Variants in CCDC88A observed in about 807,000 individuals in gnomAD.
CCDC88A encodes girdin.
Under a neutral mutation model 234.3 loss-of-function variants are expected in CCDC88A, and 54 were observed. That is an observed-to-expected ratio of 0.23 (90% CI 0.19 to 0.29). The LOEUF is 0.29. Ranked by LOEUF, CCDC88A falls within the 10% of genes least tolerant of loss-of-function variation. The pLI, the probability that CCDC88A is intolerant of heterozygous loss-of-function variation, is 1.00. For missense variants in CCDC88A, 1,832 were observed against 2,123.4 expected, an observed-to-expected ratio of 0.86 and a Z score of 2.70; for synonymous variants, 753 against 737.8, an observed-to-expected ratio of 1.02 and a Z score of -0.33.
chr2:55,316,270 G>A (rs1020093842), intron 21 of CCDC88A, among the ~76,000 whole-genome samples, 156 bp from the exon 22 acceptor site: 4 of 152,140 alleles, frequency 2.6e-5, no homozygotes. Flanking sequence ...TTTCTATTCT[G>A]TAAAAACTAG....
At chr2:55,414,277 T>C (rs1048136794) in intron 2 of CCDC88A, among the ~76,000 whole-genome samples, 1 of 152,220 alleles carries the variant, frequency 6.6e-6, no homozygotes, top group Non-Finnish European at 1.5e-5. Context: ...ATGTCACAAA[T>C]TCCTTAAAAA....
At chr2:55,294,934 CTG>C (rs565365234) in intron 31 of CCDC88A, 434 of 1,188,046 alleles carry the variant, frequency 3.7e-4, no homozygotes, top group Non-Finnish European at 4.3e-4. Context: ...CAGCTGAACA[CTG>C]TGCAACAATT....
At chr2:55,415,695 T>C (rs1287255667) in intron 2 of CCDC88A, among the ~76,000 whole-genome samples, 2 of 152,134 alleles carry the variant, frequency 1.3e-5, no homozygotes, top group African/African-American at 4.8e-5. Flanking sequence ...TGAGTACTTA[T>C]CAGAATATAA....
chr2:55,333,232 G>A (rs943823971), intron 15 of CCDC88A, among the ~76,000 whole-genome samples: 5 of 152,144 alleles, frequency 3.3e-5, no homozygotes, highest in Admixed American at 2.0e-4. Flanking sequence ...ACTGCCCAAT[G>A]TGACCTTCTG....
intron 2 of CCDC88A, chr2:55,416,904 A>G (rs1482747746): frequency 1.3e-5 from 2 of 152,042 alleles, no homozygotes; most frequent in South Asian, 2.1e-4. Flanking sequence ...AAGCAAAAGT[A>G]TACTTTTTTT....
intron 31 of CCDC88A, chr2:55,295,385 A>G: frequency 1.9e-6 from 3 of 1,543,582 alleles, no homozygotes; most frequent in African/African-American, 2.7e-5. Context: ...GTCCTATGCT[A>G]TCTTTTGCCA....
At chr2:55,318,274 G>A (rs1259745040) in intron 19 of CCDC88A, among the ~76,000 whole-genome samples, 6 of 152,072 alleles carry the variant, frequency 3.9e-5, no homozygotes, top group Non-Finnish European at 8.8e-5. Flanking sequence ...CTTTATCAAA[G>A]TGTTGATGTT....
At chr2:55,410,761 G>A (rs936686831) in intron 2 of CCDC88A, among the ~76,000 whole-genome samples, 2 of 151,976 alleles carry the variant, frequency 1.3e-5, no homozygotes, top group Non-Finnish European at 2.9e-5. Flanking sequence ...AAATTAGCTG[G>A]GCATGGTAGT....
chr2:55,378,991 T>C (rs1347812169), intron 3 of CCDC88A, among the ~76,000 whole-genome samples: 2 of 152,092 alleles, frequency 1.3e-5, no homozygotes, highest in African/African-American at 2.4e-5. Flanking sequence ...AGTGATCCAC[T>C]CACCTTGGTC....
At chr2:55,416,626 G>A (rs551821510) in intron 2 of CCDC88A, among the ~76,000 whole-genome samples, 27 of 150,714 alleles carry the variant, frequency 1.8e-4, no homozygotes, top group African/African-American at 6.5e-4. Context: ...TTTACAAAGG[G>A]TTCTTGCTCA....
intron 3 of CCDC88A, among the ~76,000 whole-genome samples, chr2:55,379,018 T>C (rs1277955296): frequency 1.3e-5 from 2 of 152,162 alleles, no homozygotes; most frequent in Non-Finnish European, 2.9e-5. Flanking sequence ...AGTGCAAGGA[T>C]TACAGGCATG....
chr2:55,349,686 T>C, intron 8 of CCDC88A, 87 bp from the exon 9 acceptor site: 1 of 840,712 alleles, frequency 1.2e-6, no homozygotes, highest in Non-Finnish European at 1.9e-6. Context: ...TCATCATCAC[T>C]AAATAACTAG....
At chr2:55,375,828 A>G (rs1673585223) in intron 3 of CCDC88A, among the ~76,000 whole-genome samples, 1 of 151,968 alleles carries the variant, frequency 6.6e-6, no homozygotes, top group South Asian at 2.1e-4. Context: ...ACACCAGGCC[A>G]TATTTTTAAT....
At chr2:55,364,063 T>C (rs2104790884) in intron 5 of CCDC88A, 30 bp from the exon 6 acceptor site, 1 of 1,086,092 alleles carries the variant, frequency 9.2e-7, no homozygotes, top group Non-Finnish European at 1.4e-6. Context: ...TAGTTATTCA[T>C]ACTTTATAGG....
chr2:55,291,871 G>T, intron 31 of CCDC88A, 96 bp from the exon 32 acceptor site: 1 of 818,218 alleles, frequency 1.2e-6, no homozygotes, highest in South Asian at 1.7e-5. Flanking sequence ...AGGGCAAGGA[G>T]AAGGAATCTG....
At chr2:55,341,929 C>T (rs1392645101) in intron 12 of CCDC88A, among the ~76,000 whole-genome samples, 9 of 151,972 alleles carry the variant, frequency 5.9e-5, no homozygotes, top group Admixed American at 5.9e-4. Context: ...TAGATATATA[C>T]CCAGGAGCAA....
intron 31 of CCDC88A, chr2:55,295,005 C>T: frequency 8.3e-7 from 1 of 1,201,222 alleles, no homozygotes; most frequent in Non-Finnish European, 1.1e-6. Context: ...CTTTTCAAAT[C>T]ATATTAGAGA....
intron 31 of CCDC88A, chr2:55,294,183 T>C (rs72799518): frequency 0.015 from 12,044 of 797,922 alleles, 95 homozygotes; most frequent in Non-Finnish European, 0.017. Context: ...TGAATATAAT[T>C]TGGTTTATTT....
chr2:55,402,868 G>A (rs1015898383), intron 2 of CCDC88A, among the ~76,000 whole-genome samples: 3 of 152,012 alleles, frequency 2.0e-5, no homozygotes, highest in Admixed American at 2.0e-4. Flanking sequence ...AATTAGCCAG[G>A]CGTGGTGGTG....
Sources: allele counts gnomAD v4.1 joint callset (sites outside exome capture counted in the v4.1 genomes callset), GRCh38; gene constraint gnomAD v4.1.1; transcripts MANE v1.5; gene names NCBI Gene and HGNC (gene_info 2026-07-23, HGNC 2026-07-21).